KDM1A: variants seen among roughly 807,000 people sequenced by gnomAD.
The protein encoded by KDM1A is lysine-specific histone demethylase 1A.
A neutral mutation model predicts 109.4 loss-of-function variants in KDM1A; 49 were observed. The ratio of observed to expected loss-of-function variants is 0.45; its 90% CI spans 0.36 to 0.57. The LOEUF (loss-of-function observed/expected upper bound fraction) is 0.57. KDM1A is among the 20% of genes least tolerant of loss of function. KDM1A has a pLI of 0.00. For missense variants in KDM1A, 668 were observed against 1,116.6 expected, an observed-to-expected ratio of 0.60 and a Z score of 5.73; for synonymous variants, 380 against 415.4, an observed-to-expected ratio of 0.91 and a Z score of 1.04.
rs984042391 is a variant in KDM1A, at chr1:23,047,667, C to T, written c.578-2720C>T. Among the ~76,000 whole-genome samples the T allele has an allele frequency of 3.3e-5, 5 of 151,970 alleles. No individual in the cohort carries two copies. The East Asian group carries it at 5.8e-4, about 18-fold the overall frequency. The stretch of plus-strand genomic sequence containing the variant: ...CTGTAATCCTAGCACTTTGGGAGGC[C>T]GAGATGGTGTATCGCTTGAGCTCAA... On this transcript the variant is annotated intron_variant, in intron 3 of 20. Transcript: ENST00000400181.
In KDM1A at chr1:23,037,303, CAAAA is replaced by C. The variant is rs34692132; in HGVS notation, c.517+6685_517+6688del. Reference sequence around the variant, plus strand: ...TGGGTGATAGAGTGAGACCCTGTCTCAAAAAAAAAAAAAAAAAAAGTGCAATTCA... The same window carrying C: ...TGGGTGATAGAGTGAGACCCTGTCTCAAAAAAAAAAAAAAAGTGCAATTCA... On this transcript the variant is annotated intron_variant, in intron 2 of 20. Transcript: ENST00000400181. 1.1e-4 allele frequency among the ~76,000 whole-genome samples: 6 copies of C among 55,850 alleles called. No individual in the cohort carries two copies. The East Asian group carries it at 1.4e-3, about 13-fold the overall frequency. 36.6% of individuals were successfully genotyped at this position (55,850 alleles called of 152,430 possible).
In KDM1A at chr1:23,073,746, C is replaced by T. The variant is rs190342486; in HGVS notation, c.1734+343C>T. ...ACAGTTTCATATAAAGTGAATCATA[C>T]AGTACATAGCTTTTTGTGTGTGATA... On this transcript the variant is annotated intron_variant, in intron 15 of 20. Transcript: ENST00000400181. 3.4e-4 allele frequency among the ~76,000 whole-genome samples: 52 copies of T among 152,326 alleles called. 1 individual carries two copies. In the East Asian group the frequency reaches 4.4e-3, roughly 13 times the overall value.
intron 1 of KDM1A, among the ~76,000 whole-genome samples, chr1:23,023,353 A>G (rs1448293058): frequency 6.6e-6 from 1 of 152,086 alleles, no homozygotes; most frequent in East Asian, 1.9e-4. Context: ...TAGCTCTTGC[A>G]TTTATGTCGA....
intron 7 of KDM1A, among the ~76,000 whole-genome samples, chr1:23,056,620 A>G (rs1016975553): frequency 3.9e-5 from 6 of 152,056 alleles, no homozygotes; most frequent in Admixed American, 2.0e-4. Flanking sequence ...TTTTTAAAAG[A>G]GTATGGGGAA....
chr1:23,026,084 G>A (rs1199354042), intron 1 of KDM1A, among the ~76,000 whole-genome samples: 2 of 151,982 alleles, frequency 1.3e-5, no homozygotes, highest in Non-Finnish European at 2.9e-5. Flanking sequence ...GTGAGACCCT[G>A]TCTTAAAAAA....
rs1429583906 is a variant in KDM1A, at chr1:23,019,555, A to T, written c.-42A>T. 7.3e-7 allele frequency: 1 copy of T among 1,364,100 alleles called. No individual in the cohort carries two copies. The highest frequency in any genetic ancestry group is 9.4e-7 in the Non-Finnish European group (1 of 1,061,032). The allele number at this position is 1,364,100 out of a possible 1,614,324, so 84.5% of individuals were successfully genotyped here. On this transcript the variant is annotated 5_prime_UTR_variant, in exon 1 of 21. Transcript: ENST00000400181. ...GCTTTTCGGACCCACGGAGCGACAG[A>T]GCGAGCGGCCCCTACGGCCGTCGGC...
intron 9 of KDM1A, among the ~76,000 whole-genome samples, chr1:23,063,204 G>GTGT (rs1643054458): frequency 1.2e-5 from 1 of 80,564 alleles, no homozygotes; most frequent in Non-Finnish European, 2.7e-5. Flanking sequence ...ATTGGGGGGG[G>GTGT]GGTGTGGTGT....
At position 23,079,507 on chromosome 1, in the gene KDM1A, T is replaced by A. The variant is rs1333818339; in HGVS notation, c.2056-46T>A. 1 of 1,404,612 alleles carries A rather than the reference T, an allele frequency of 7.1e-7. No individual in the cohort carries two copies. The highest frequency in any genetic ancestry group is 1.4e-5 in the African/African-American group (1 of 70,300). 87.0% of individuals were successfully genotyped at this position (1,404,612 alleles called of 1,614,324 possible). On this transcript the variant is annotated intron_variant, in intron 17 of 20. Coordinates refer to ENST00000400181, the MANE Select transcript of KDM1A (RefSeq NM_001009999.3). The surrounding 1 kb of genome is among the most constrained non-coding windows in gnomAD (Gnocchi z 5.6). Reference sequence around the variant, plus strand: ...TTAAGGAAGTCTGTTGAAGCCAGTATTATCTGGCCCCTGTCACTGGCTCAT... The same window carrying A: ...TTAAGGAAGTCTGTTGAAGCCAGTAATATCTGGCCCCTGTCACTGGCTCAT...
chr1:23,056,125 C>T (rs899762730), intron 7 of KDM1A, 87 bp downstream of exon 7: 8 of 873,344 alleles, frequency 9.2e-6, no homozygotes, highest in Non-Finnish European at 1.3e-5. Context: ...AATTATACAA[C>T]TTGAACTAAG....
At chr1:23,055,014 A>G in intron 5 of KDM1A, 55 bp from the exon 6 acceptor site, 1 of 1,101,892 alleles carries the variant, frequency 9.1e-7, no homozygotes, top group Non-Finnish European at 1.4e-6. Context: ...AGTTAGAAGA[A>G]TATTGTTTAA....
chr1:23,025,940 A>G (rs546513412), intron 1 of KDM1A, among the ~76,000 whole-genome samples: 1 of 152,230 alleles, frequency 6.6e-6, no homozygotes, highest in African/African-American at 2.4e-5. Context: ...AAATTATAAA[A>G]ATTAGCCATG....
At chr1:23,050,315 A>C in intron 3 of KDM1A, 72 bp from the exon 4 acceptor site, 1 of 1,471,988 alleles carries the variant, frequency 6.8e-7, no homozygotes, top group African/African-American at 1.4e-5. Flanking sequence ...AGGCAAAGGA[A>C]TTTAAGCGTC....
intron 16 of KDM1A, among the ~76,000 whole-genome samples, chr1:23,078,666 G>A (rs575777945): frequency 6.6e-6 from 1 of 152,116 alleles, no homozygotes; most frequent in Admixed American, 6.5e-5. Context: ...TTTATTTTTG[G>A]TCTAAATGTA....
chr1:23,066,889 G>C (rs12087622), intron 10 of KDM1A, among the ~76,000 whole-genome samples: 92 of 152,316 alleles, frequency 6.0e-4, no homozygotes, highest in African/African-American at 2.1e-3. Flanking sequence ...TGTTTGAGTT[G>C]CTCTGCATAT....
At chr1:23,039,088 T>C (rs1031487565) in intron 2 of KDM1A, among the ~76,000 whole-genome samples, 2 of 152,248 alleles carry the variant, frequency 1.3e-5, no homozygotes, top group African/African-American at 4.8e-5. Context: ...GAGCCTATTA[T>C]TACTTCCATG....
intron 1 of KDM1A, among the ~76,000 whole-genome samples, chr1:23,026,319 TTATGA>T (rs1641800032): frequency 6.6e-6 from 1 of 152,044 alleles, no homozygotes; most frequent in African/African-American, 2.4e-5. Context: ...ACATGAGATG[TTATGA>T]TATAGGAATG....
At chr1:23,034,054 C>T (rs892087641) in intron 2 of KDM1A, among the ~76,000 whole-genome samples, 1 of 152,130 alleles carries the variant, frequency 6.6e-6, no homozygotes, top group Non-Finnish European at 1.5e-5. Flanking sequence ...GAAGTTCTCT[C>T]TGTTGACCTA....
Position 23,025,329 on chromosome 1 carries a change from A to AT in KDM1A, c.352-5122dup, listed in dbSNP as rs35274209. Among the ~76,000 whole-genome samples, 1,172 of 128,972 alleles carry AT rather than the reference A, an allele frequency of 9.1e-3. 27 individuals carry two copies. Among genetic ancestry groups the AT allele is most frequent in the African/African-American group, 0.029 (1,012 of 35,040 alleles). The allele number at this position is 128,972 out of a possible 152,430, so 84.6% of individuals were successfully genotyped here. A position where few individuals can be genotyped will look rare whatever the true frequency, so the allele number is the denominator to read the frequency against. On this transcript the variant is annotated intron_variant, in intron 1 of 20. Transcript: ENST00000400181. The stretch of plus-strand genomic sequence containing the variant: ...TGTGAGACTTCAGAGAAGATGAAAG[A>AT]TTTTTTTTTTTTTTTTTTGAGATGA...
At chr1:23,050,988 A>G (rs1000498286) in intron 4 of KDM1A, among the ~76,000 whole-genome samples, 4 of 152,128 alleles carry the variant, frequency 2.6e-5, no homozygotes, top group African/African-American at 9.7e-5. Flanking sequence ...GAGAGGCTGA[A>G]GCAGGAGAAT....
Sources: allele counts gnomAD v4.1 joint callset (sites outside exome capture counted in the v4.1 genomes callset), GRCh38; gene constraint gnomAD v4.1.1; non-coding constraint Gnocchi (gnomAD v3.1); transcripts MANE v1.5; gene names NCBI Gene and HGNC (gene_info 2026-07-23, HGNC 2026-07-21).